RBM25: variants seen among roughly 807,000 people sequenced by gnomAD.
RBM25 encodes the protein RNA-binding protein 25.
In RBM25, 19 loss-of-function variants were observed where a neutral mutation model predicts 120.7. The observed-to-expected ratio is 0.16, with a 90% CI of 0.11 to 0.23. RBM25 has a LOEUF of 0.23. RBM25 is among the 10% of genes least tolerant of loss of function. RBM25 has a pLI of 1.00. For synonymous variants in RBM25, 390 were observed against 326.7 expected, an observed-to-expected ratio of 1.19 and a Z score of -2.09; for missense variants, 605 against 1,041.5, an observed-to-expected ratio of 0.58 and a Z score of 5.77.
At chr14:73,071,586 G>A (rs777606950) in intron 1 of RBM25, 41 bp from the exon 2 acceptor site, 69 of 1,388,164 alleles carry the variant, frequency 5.0e-5, no homozygotes, top group Non-Finnish European at 6.4e-5. Flanking sequence ...AAATTGTGAC[G>A]TTTTCAAATA....
chr14:73,067,846 G>A (rs1178203085), intron 1 of RBM25, among the ~76,000 whole-genome samples: 6 of 151,460 alleles, frequency 4.0e-5, no homozygotes, highest in South Asian at 4.2e-4. Context: ...TGATCCACCC[G>A]CTTCGGCCTC....
intron 15 of RBM25, 49 bp from the exon 16 acceptor site, chr14:73,111,479 A>C: frequency 6.6e-7 from 1 of 1,519,406 alleles, no homozygotes; most frequent in South Asian, 1.3e-5. Context: ...TTATAAAATG[A>C]AACATTTGGA....
At chr14:73,085,873 A>T (rs1895673908) in intron 5 of RBM25, among the ~76,000 whole-genome samples, 1 of 152,088 alleles carries the variant, frequency 6.6e-6, no homozygotes, top group Non-Finnish European at 1.5e-5. Context: ...ATTATTGTGA[A>T]CTTAGGAATT....
chr14:73,103,960 A>T (rs1015995459), intron 10 of RBM25, among the ~76,000 whole-genome samples: 8 of 113,772 alleles, frequency 7.0e-5, no homozygotes, highest in Non-Finnish European at 9.2e-5. Flanking sequence ...ACACACACAC[A>T]CACACACACA....
chr14:73,068,163 CT>C, intron 1 of RBM25: 1 of 842,820 alleles, frequency 1.2e-6, no homozygotes, highest in Non-Finnish European at 2.0e-6. Context: ...GTCCTGGATG[CT>C]TTAGTGGTCT....
At chr14:73,107,805 A>G (rs773630200) in intron 12 of RBM25, 21 bp from the exon 13 acceptor site, 9 of 1,510,256 alleles carry the variant, frequency 6.0e-6, no homozygotes, top group South Asian at 4.7e-5. Context: ...AATTTTATAC[A>G]TTGTCCTTAT....
chr14:73,099,003 C>T (rs1334758701), intron 7 of RBM25, among the ~76,000 whole-genome samples: 1 of 152,164 alleles, frequency 6.6e-6, no homozygotes, highest in Non-Finnish European at 1.5e-5. Context: ...CATTCTTCCT[C>T]TTTCTTCATT....
At chr14:73,105,125 A>AC (rs1896154521) in intron 10 of RBM25, among the ~76,000 whole-genome samples, 2 of 85,936 alleles carry the variant, frequency 2.3e-5, no homozygotes, top group Non-Finnish European at 4.5e-5. Context: ...TGGTTTTATT[A>AC]CTTTTTTTTT....
intron 1 of RBM25, chr14:73,068,442 C>T: frequency 2.8e-6 from 2 of 715,664 alleles, no homozygotes; most frequent in East Asian, 3.1e-5. Context: ...TTCAGACTAC[C>T]AGCTGTATTA....
chr14:73,096,384 A>G (rs1488408544), intron 6 of RBM25, among the ~76,000 whole-genome samples: 4 of 152,236 alleles, frequency 2.6e-5, no homozygotes, highest in Non-Finnish European at 5.9e-5. Context: ...AAGCACTCGT[A>G]GAAAGCAAAT....
intron 1 of RBM25, among the ~76,000 whole-genome samples, chr14:73,067,140 G>C (rs1895158005): frequency 6.7e-6 from 1 of 149,974 alleles, no homozygotes; most frequent in South Asian, 2.1e-4. Context: ...CACCGTCTCG[G>C]CTCACTGCAA....
intron 6 of RBM25, among the ~76,000 whole-genome samples, chr14:73,095,541 A>C (rs1203081765): frequency 6.6e-6 from 1 of 151,820 alleles, no homozygotes; most frequent in Non-Finnish European, 1.5e-5. Context: ...GGGAGGCCAG[A>C]GCTTGCAGTG....
intron 1 of RBM25, among the ~76,000 whole-genome samples, chr14:73,059,028 T>A (rs1464059622): frequency 6.6e-6 from 1 of 152,126 alleles, no homozygotes; most frequent in Non-Finnish European, 1.5e-5. Flanking sequence ...GGCTCCACGT[T>A]AGATACAAAA....
At position 73,123,693 on chromosome 14, in the gene RBM25, G is replaced by A. The variant is rs1043741111; in HGVS notation, c.*3888G>A. The A allele has an allele frequency of 6.6e-6, 1 of 152,106 alleles. No individual in the cohort carries two copies. The highest frequency in any genetic ancestry group is 1.5e-5 in the Non-Finnish European group (1 of 68,036). 9.4% of individuals were successfully genotyped at this position (152,106 alleles called of 1,614,324 possible). On this transcript the variant is annotated 3_prime_UTR_variant, in exon 19 of 19. Coordinates refer to ENST00000261973, the MANE Select transcript of RBM25 (RefSeq NM_021239.3). ...TAAACTGATAGATTTTTTGTAATGTGATTATGGTAAAATACTGAAATATTT... is the reference window on the plus strand; with the variant it reads ...TAAACTGATAGATTTTTTGTAATGTAATTATGGTAAAATACTGAAATATTT...
Position 73,103,096 on chromosome 14 carries a change from T to C in RBM25, c.868-96T>C. ...ATTTAATATTAATGTATCAGTGGTT[T>C]GGTGTTTTTGTTCCCAGTACTGGGC... On this transcript the variant is annotated intron_variant, in intron 9 of 18. Transcript: ENST00000261973. 6 of 1,520,380 alleles carry C rather than the reference T, an allele frequency of 3.9e-6. No individual in the cohort carries two copies. The South Asian group carries it at 8.2e-5, about 21-fold the overall frequency. 94.2% of individuals were successfully genotyped at this position (1,520,380 alleles called of 1,614,324 possible). A position where few individuals can be genotyped will look rare whatever the true frequency, so the allele number is the denominator to read the frequency against.
intron 10 of RBM25, 74 bp from the exon 11 acceptor site, chr14:73,105,785 G>A: frequency 1.9e-6 from 3 of 1,565,402 alleles, no homozygotes; most frequent in Non-Finnish European, 2.6e-6. Flanking sequence ...CATAATGTAT[G>A]TTGTCCTCCT....
intron 5 of RBM25, 98 bp from the exon 6 acceptor site, chr14:73,087,903 T>A (rs1263933249): frequency 2.5e-6 from 3 of 1,188,480 alleles, no homozygotes; most frequent in East Asian, 5.0e-5. Flanking sequence ...GTGGTCTTTG[T>A]ATTAAAACAT....
chr14:73,066,121 G>GAT (rs1895126505), intron 1 of RBM25, among the ~76,000 whole-genome samples: 1 of 152,148 alleles, frequency 6.6e-6, no homozygotes, highest in Non-Finnish European at 1.5e-5. Context: ...CTATTATAAT[G>GAT]ATAATAGAAG....
Position 73,103,952 on chromosome 14 carries a change from A to T in RBM25, c.1154+474A>T, listed in dbSNP as rs61985152. Among the ~76,000 whole-genome samples, 215 of 91,450 alleles carry T rather than the reference A, an allele frequency of 2.4e-3. 1 individual carries two copies. Among genetic ancestry groups the T allele is most frequent in the Middle Eastern group, 0.01 (2 of 198 alleles). The allele number at this position is 91,450 out of a possible 152,430, so 60.0% of individuals were successfully genotyped here. A position where few individuals can be genotyped will look rare whatever the true frequency, so the allele number is the denominator to read the frequency against. ...CTCTCTCTCTCTCTCTCTCTCTCAC[A>T]CACACACACACACACACACACACAC... On this transcript the variant is annotated intron_variant, in intron 10 of 18. Transcript: ENST00000261973.
Sources: gnomAD v4.1 joint callset for allele counts (sites outside exome capture counted in the v4.1 genomes callset) on GRCh38, gnomAD v4.1.1 for gene constraint, MANE v1.5 for transcripts, NCBI Gene and HGNC (gene_info 2026-07-23, HGNC 2026-07-21) for gene names.